Variants in MAPK9 observed in about 807,000 individuals in gnomAD.
MAPK9 encodes Jun kinase.
A neutral mutation model predicts 57.1 loss-of-function variants in MAPK9; 30 were observed. The ratio of observed to expected loss-of-function variants is 0.53; its 90% CI spans 0.39 to 0.71. The LOEUF (loss-of-function observed/expected upper bound fraction) is 0.71, where lower values mean the gene tolerates loss of function less well. Ranked by LOEUF, MAPK9 falls within the 30% of genes least tolerant of loss-of-function variation. The pLI is 0.00. For missense variants in MAPK9, 362 were observed against 521.0 expected (o/e 0.69, Z 2.97); for synonymous variants, 155 against 177.0 (o/e 0.88, Z 0.99).
At chr5:180,244,722 T>C (rs13182922) in intron 7 of MAPK9, among the ~76,000 whole-genome samples, 150,208 of 150,526 alleles carry the variant, frequency 1, 74,947 homozygotes, top group Middle Eastern at 1. Context: ...TGCAGTGAGC[T>C]GAGATCGCAT....
At chr5:180,285,007 AATGTACAT>A (rs1454123236) in intron 1 of MAPK9, among the ~76,000 whole-genome samples, 2 of 152,192 alleles carry the variant, frequency 1.3e-5, no homozygotes, top group African/African-American at 4.8e-5. Context: ...CTGTTTTTCA[AATGTACAT>A]ATTTCACATT....
At chr5:180,245,417 C>A (rs1231395592) in intron 7 of MAPK9, among the ~76,000 whole-genome samples, 2 of 152,214 alleles carry the variant, frequency 1.3e-5, no homozygotes, top group African/African-American at 2.4e-5. Context: ...CTTTGCATCT[C>A]AGTCAGACTA....
At chr5:180,284,329 G>A (rs1762559471) in intron 1 of MAPK9, among the ~76,000 whole-genome samples, 1 of 152,248 alleles carries the variant, frequency 6.6e-6, no homozygotes, top group African/African-American at 2.4e-5. Flanking sequence ...GTCCAGCACA[G>A]GGCTCCCTCC....
chr5:180,257,968 C>G (rs1043665352), intron 5 of MAPK9: 4 of 155,894 alleles, frequency 2.6e-5, no homozygotes, highest in African/African-American at 9.6e-5. Flanking sequence ...TGGGGTGAAG[C>G]CATACAAATG....
At chr5:180,261,649 G>A (rs888122786) in intron 5 of MAPK9, 35 bp downstream of exon 5, 1 of 1,541,368 alleles carries the variant, frequency 6.5e-7, no homozygotes, top group African/African-American at 1.4e-5. Flanking sequence ...CCAAATGATT[G>A]TTTTTAAAAA....
chr5:180,247,540 G>C lies in MAPK9; in HGVS notation c.617-30C>G. ...AAATAAAATGAAATGATAAAATTAT[G>C]AAGTGCCATGAACAAAACAAAAGTG... is the stretch of plus-strand genomic sequence containing the variant. On this transcript the variant is annotated intron_variant, in intron 6 of 11. Transcript: ENST00000452135. This position sits in a 1 kb window ranked among gnomAD's most constrained non-coding sequence, Gnocchi z 4.5. 1.3e-6 allele frequency: 2 copies of C among 1,581,242 alleles called. No homozygotes were observed. The highest frequency in any genetic ancestry group is 1.7e-6 in the Non-Finnish European group (2 of 1,151,768).
At chr5:180,267,352 G>A (rs1282305956) in intron 3 of MAPK9, among the ~76,000 whole-genome samples, 2 of 152,070 alleles carry the variant, frequency 1.3e-5, no homozygotes, top group Admixed American at 1.3e-4. Context: ...ACGAGGTCAG[G>A]AGATCGAGAC....
At chr5:180,242,510 T>C (rs1757750179) in intron 8 of MAPK9, 63 bp downstream of exon 8, 4 of 1,447,410 alleles carry the variant, frequency 2.8e-6, no homozygotes, top group African/African-American at 1.4e-5. Flanking sequence ...AATACAAACA[T>C]GAAAGAGTGA....
intron 5 of MAPK9, among the ~76,000 whole-genome samples, chr5:180,260,608 T>G (rs1759839721): frequency 6.6e-6 from 1 of 152,230 alleles, no homozygotes. Context: ...TTAAGCAACA[T>G]GAATCCAATA....
At chr5:180,280,303 A>G (rs1762209142) in intron 2 of MAPK9, 137 bp downstream of exon 2, 1 of 1,113,020 alleles carries the variant, frequency 9.0e-7, no homozygotes, top group Admixed American at 2.7e-5. Context: ...TAGAGCAAGC[A>G]GTTGATTCAA....
chr5:180,238,722 C>T (rs559665321), intron 10 of MAPK9, among the ~76,000 whole-genome samples: 20 of 151,070 alleles, frequency 1.3e-4, no homozygotes, highest in African/African-American at 3.9e-4. Flanking sequence ...GATTCTCATG[C>T]CTCAGCCATC....
chr5:180,288,639 G>T (rs529918148), intron 1 of MAPK9, among the ~76,000 whole-genome samples: 3 of 152,316 alleles, frequency 2.0e-5, no homozygotes, highest in African/African-American at 7.2e-5. Context: ...CCCACTGGGA[G>T]TCTGACTCAA....
chr5:180,247,448 C>T lies in MAPK9; in HGVS notation c.679G>A (p.Gly227Ser), dbSNP rs1758231850. 1 of 1,614,182 alleles carries T rather than the reference C, an allele frequency of 6.2e-7. No homozygotes were observed. The highest frequency in any genetic ancestry group is 8.5e-7 in the Non-Finnish European group (1 of 1,180,044). Residue 227 changes from glycine (G) to serine (S), a missense_variant, in exon 7 of 12, where the codon GGC becomes AGC. Physicochemically the swap from Gly to Ser is moderately conservative, Grantham distance 56. Transcript: ENST00000452135. The surrounding 1 kb of genome is among the most constrained non-coding windows in gnomAD (Gnocchi z 4.5). ...TCGCGGGGAAGGATACGGTCAGTGC[C>T]TTGGAATATCACACAACCTTTCACC... is the stretch of plus-strand genomic sequence containing the variant. The part of the protein sequence containing the change: ...ELVKGCVIFQ[G>S]TDHIDQWNKV...
At chr5:180,249,382 T>C (rs554563288) in intron 5 of MAPK9, among the ~76,000 whole-genome samples, 56 of 152,282 alleles carry the variant, frequency 3.7e-4, no homozygotes, top group African/African-American at 1.3e-3. Flanking sequence ...CTTTCTGTGG[T>C]CTCGCAGGCC....
intron 5 of MAPK9, among the ~76,000 whole-genome samples, chr5:180,258,606 T>G (rs2127592827): frequency 6.6e-6 from 1 of 152,208 alleles, no homozygotes; most frequent in Non-Finnish European, 1.5e-5. Flanking sequence ...ACAGTTCCCT[T>G]AGAAGACATG....
intron 5 of MAPK9, among the ~76,000 whole-genome samples, chr5:180,251,646 C>T (rs1260245788): frequency 6.6e-6 from 1 of 152,172 alleles, no homozygotes; most frequent in Admixed American, 6.6e-5. Context: ...ACTTCAATTT[C>T]AAGACAGCAG....
chr5:180,236,668 A>C (rs771187458), intron 11 of MAPK9, 142 bp from the exon 12 acceptor site: 10 of 785,436 alleles, frequency 1.3e-5, no homozygotes, highest in Non-Finnish European at 1.9e-5. Flanking sequence ...GAAGTCAGTC[A>C]GCTGGACTTT....
chr5:180,267,384 A>G lies in MAPK9; in HGVS notation c.252+1896T>C, dbSNP rs572597000. On this transcript the variant is annotated intron_variant, in intron 3 of 11. Transcript: ENST00000452135. Reference sequence around the variant, plus strand: ...AGACCATCCTGGCTAACATGGTGAAACCCCTGTCTCTACTAAAAATACAAA... The same window carrying G: ...AGACCATCCTGGCTAACATGGTGAAGCCCCTGTCTCTACTAAAAATACAAA... Among the ~76,000 whole-genome samples the G allele has an allele frequency of 1.6e-3, 245 of 151,696 alleles. 2 individuals are homozygous for G. The highest frequency in any genetic ancestry group is 5.2e-3 in the African/African-American group (214 of 41,396).
chr5:180,277,630 C>T (rs929682939), intron 2 of MAPK9, among the ~76,000 whole-genome samples: 1 of 152,108 alleles, frequency 6.6e-6, no homozygotes, highest in Non-Finnish European at 1.5e-5. Context: ...CAAAGAATCA[C>T]TGACAGATGA....
Sources: gnomAD v4.1 joint callset for allele counts (sites outside exome capture counted in the v4.1 genomes callset) on GRCh38, gnomAD v4.1.1 for gene constraint, Gnocchi (gnomAD v3.1) non-coding constraint, MANE v1.5 for transcripts, NCBI Gene and HGNC (gene_info 2026-07-23, HGNC 2026-07-21) for gene names.